Variants in VTI1A observed in about 807,000 individuals in gnomAD.
VTI1A encodes vesicle transport through interaction with t-SNAREs homolog 1A.
A neutral mutation model predicts 34.9 loss-of-function variants in VTI1A; 22 were observed. The observed-to-expected ratio is 0.63, with a 90% CI of 0.45 to 0.90. The LOEUF (loss-of-function observed/expected upper bound fraction) is 0.90. VTI1A is among the 40% of genes least tolerant of loss of function. VTI1A has a pLI of 0.00. For missense variants in VTI1A, 268 were observed against 275.6 expected (o/e 0.97, Z 0.20); for synonymous variants, 87 against 97.3 (o/e 0.89, Z 0.62).
At chr10:112,585,663 C>CTTTTTTTT (rs61436886) in intron 5 of VTI1A, among the ~76,000 whole-genome samples, 2 of 117,298 alleles carry the variant, frequency 1.7e-5, no homozygotes, top group African/African-American at 6.5e-5. Context: ...TTGTGGATTT[C>CTTTTTTTT]TTTTTTTTTT....
At chr10:112,751,973 A>G (rs1422725214) in intron 7 of VTI1A, among the ~76,000 whole-genome samples, 1 of 152,200 alleles carries the variant, frequency 6.6e-6, no homozygotes, top group Non-Finnish European at 1.5e-5. Context: ...ACCTAGTCTT[A>G]TCCAGTATAG....
chr10:112,629,128 A>G (rs1564856281), intron 5 of VTI1A, among the ~76,000 whole-genome samples: 1 of 152,222 alleles, frequency 6.6e-6, no homozygotes, highest in African/African-American at 2.4e-5. Context: ...CTTCTGGGGT[A>G]ACAGGTGATG....
intron 5 of VTI1A, among the ~76,000 whole-genome samples, chr10:112,642,734 G>A (rs564929696): frequency 6.6e-6 from 1 of 152,194 alleles, no homozygotes; most frequent in African/African-American, 2.4e-5. Context: ...TGGGGAGACA[G>A]GCATGACCCC....
chr10:112,493,546 A>T (rs1357612773), intron 3 of VTI1A, among the ~76,000 whole-genome samples: 2 of 152,130 alleles, frequency 1.3e-5, no homozygotes, highest in African/African-American at 2.4e-5. Context: ...CTTTGCTTTC[A>T]TCCAATTTTA....
the VTI1A span, among the ~76,000 whole-genome samples, chr10:112,836,206 C>T: frequency 1.3e-5 from 2 of 152,296 alleles, no homozygotes; most frequent in East Asian, 3.9e-4. Flanking sequence ...GGTCCTGTTC[C>T]CAGCCCCAAC....
At chr10:112,561,536 G>A (rs1851725494) in intron 5 of VTI1A, among the ~76,000 whole-genome samples, 1 of 152,102 alleles carries the variant, frequency 6.6e-6, no homozygotes, top group African/African-American at 2.4e-5. Context: ...TTGCCTACAA[G>A]GATATAACAA....
chr10:112,477,920 C>G (rs1848328731), intron 3 of VTI1A, among the ~76,000 whole-genome samples: 1 of 152,078 alleles, frequency 6.6e-6, no homozygotes, highest in African/African-American at 2.4e-5. Context: ...AGTTGTCTTA[C>G]TTATGGAAAT....
chr10:112,507,475 T>C (rs4918756), intron 3 of VTI1A, among the ~76,000 whole-genome samples: 43,484 of 152,084 alleles, frequency 0.29, 6,918 homozygotes, highest in East Asian at 0.71. Flanking sequence ...AGCCCTTCTG[T>C]GCCTCTCTTC....
intron 3 of VTI1A, among the ~76,000 whole-genome samples, chr10:112,505,392 T>C (rs1206681893): frequency 6.6e-6 from 1 of 152,168 alleles, no homozygotes. Context: ...TTTATTCTCT[T>C]GAATTTTTGA....
At chr10:112,530,594 A>G (rs1040903120) in intron 4 of VTI1A, among the ~76,000 whole-genome samples, 1 of 152,222 alleles carries the variant, frequency 6.6e-6, no homozygotes, top group Non-Finnish European at 1.5e-5. Flanking sequence ...TAAATCCTAA[A>G]TAGAAGATTC....
At chr10:112,539,082 T>A (rs1589877728) in intron 5 of VTI1A, among the ~76,000 whole-genome samples, 1 of 152,210 alleles carries the variant, frequency 6.6e-6, no homozygotes, top group Non-Finnish European at 1.5e-5. Context: ...CATTAACACC[T>A]TAGTAGTCAT....
At chr10:112,779,900 A>C (rs1465313301) in intron 7 of VTI1A, among the ~76,000 whole-genome samples, 1 of 152,166 alleles carries the variant, frequency 6.6e-6, no homozygotes, top group Non-Finnish European at 1.5e-5. Context: ...GTTGAGGCTG[A>C]GAACTTCCTT....
rs545934005 is a variant in VTI1A, at chr10:112,544,215, C to G, written c.427+5885C>G. ...AAGTAGTTTTTTCCAATTCTGTGAA[C>G]AAAGTCATTGGTAGCTTGATGGGGA... On this transcript the variant is annotated intron_variant, in intron 5 of 7. Coordinates refer to ENST00000393077, the MANE Select transcript of VTI1A (RefSeq NM_145206.4). Among the ~76,000 whole-genome samples the G allele has an allele frequency of 3.8e-4, 58 of 152,164 alleles. 1 individual carries two copies. In the South Asian group the frequency reaches 4.2e-3, roughly 11 times the overall value.
intron 7 of VTI1A, among the ~76,000 whole-genome samples, chr10:112,772,364 A>G (rs895322986): frequency 2.0e-5 from 3 of 151,884 alleles, no homozygotes; most frequent in Admixed American, 1.3e-4. Flanking sequence ...GGAGATGTCT[A>G]CTCAGATCCT....
At chr10:112,697,399 CT>C (rs57723783) in intron 7 of VTI1A, among the ~76,000 whole-genome samples, 2,377 of 113,968 alleles carry the variant, frequency 0.021, 68 homozygotes, top group African/African-American at 0.087. Context: ...CTTTTCTTTT[CT>C]TTTTTTTTTT....
chr10:112,689,577 G>A (rs957898584), intron 7 of VTI1A, among the ~76,000 whole-genome samples: 4 of 152,100 alleles, frequency 2.6e-5, no homozygotes, highest in Admixed American at 1.3e-4. Flanking sequence ...AAACGAAAAC[G>A]TCACCGTTCT....
At chr10:112,464,457 G>T in intron 2 of VTI1A, 90 bp from the exon 3 acceptor site, 1 of 1,151,508 alleles carries the variant, frequency 8.7e-7, no homozygotes. Flanking sequence ...ACAAAATGAG[G>T]AACTGGAATT....
rs1850648511 is a variant in VTI1A, at chr10:112,536,958, A to G, written c.343-1288A>G. Reference sequence around the variant, plus strand: ...AGCATCCCTGGCTGCTAGAGCTTGGAGGCACTGGTCTAGGTGTATTAGCTT... The same window carrying G: ...AGCATCCCTGGCTGCTAGAGCTTGGGGGCACTGGTCTAGGTGTATTAGCTT... On this transcript the variant is annotated intron_variant, in intron 4 of 7. Transcript: ENST00000393077. Among the ~76,000 whole-genome samples, 4 of 152,152 alleles carry G rather than the reference A, an allele frequency of 2.6e-5. 1 individual carries two copies. In the South Asian group the frequency reaches 8.3e-4, roughly 32 times the overall value.
At chr10:112,672,469 A>G (rs867879878) in intron 7 of VTI1A, among the ~76,000 whole-genome samples, 45 of 152,224 alleles carry the variant, frequency 3.0e-4, no homozygotes, top group African/African-American at 9.6e-4. Flanking sequence ...AGAGCCATCC[A>G]GGGACAAACT....
Sources: gnomAD v4.1 joint callset for allele counts (sites outside exome capture counted in the v4.1 genomes callset) on GRCh38, gnomAD v4.1.1 for gene constraint, MANE v1.5 for transcripts, NCBI Gene and HGNC (gene_info 2026-07-23, HGNC 2026-07-21) for gene names.